Variants in KIF6 observed in about 807,000 individuals in gnomAD.
KIF6 encodes the protein kinesin family member 6.
A neutral mutation model predicts 112.7 loss-of-function variants in KIF6; 106 were observed. The ratio of observed to expected loss-of-function variants is 0.94; its 90% CI spans 0.80 to 1.11. The LOEUF (loss-of-function observed/expected upper bound fraction) is 1.11, where lower values mean the gene tolerates loss of function less well. KIF6 is among the 50% of genes least tolerant of loss of function. KIF6 has a pLI of 0.00. For synonymous variants in KIF6, 339 were observed against 339.9 expected (o/e 1.00, Z 0.03); for missense variants, 929 against 964.0 (o/e 0.96, Z 0.48).
At chr6:39,382,887 T>G (rs1767079214) in intron 16 of KIF6, among the ~76,000 whole-genome samples, 1 of 150,812 alleles carries the variant, frequency 6.6e-6, no homozygotes, top group Non-Finnish European at 1.5e-5. Flanking sequence ...GGTATCTCGT[T>G]GCGATTTTGA....
rs190716079 is a variant in KIF6 at position 39,545,803 on chromosome 6, A to G, written c.1182-115T>C. ...CAGAATATTGTTCCCACCTCTTTAC[A>G]GAAGTACAGATTTGAGTATAAAAAT... On this transcript the variant is annotated intron_variant, in intron 10 of 22. Transcript: ENST00000287152. 2.5e-4 allele frequency: 152 copies of G among 600,974 alleles called. 1 individual carries two copies. The highest frequency in any genetic ancestry group is 2.1e-3 in the Admixed American group (70 of 33,284). 37.2% of individuals were successfully genotyped at this position (600,974 alleles called of 1,614,324 possible).
chr6:39,676,423 G>T (rs1787143613), intron 3 of KIF6, among the ~76,000 whole-genome samples: 1 of 152,074 alleles, frequency 6.6e-6, no homozygotes, highest in Non-Finnish European at 1.5e-5. Context: ...ATCATTAATA[G>T]ACCCTCTCTG....
chr6:39,553,336 T>C lies in KIF6; in HGVS notation c.1182-7648A>G, dbSNP rs541263972. Among the ~76,000 whole-genome samples, 8 of 152,348 alleles carry C rather than the reference T, an allele frequency of 5.3e-5. 1 individual carries two copies. The South Asian group carries it at 1.5e-3, about 28-fold the overall frequency. ...GGTAAATTCATCTTAGTAATGCATATTTCCTTCACCTCAACAAAAGCACAG... is the reference window on the plus strand; with the variant it reads ...GGTAAATTCATCTTAGTAATGCATACTTCCTTCACCTCAACAAAAGCACAG... On this transcript the variant is annotated intron_variant, in intron 10 of 22. Coordinates refer to ENST00000287152, the MANE Select transcript of KIF6 (RefSeq NM_145027.6).
At position 39,331,134 on chromosome 6, in the gene KIF6, A is replaced by G. The variant is rs183562962; in HGVS notation, c.*5398T>C. ...GGTTCTCACACTCCCACCCACCTTG[A>G]TAGTGAGTCCAAGCCCATCCTACCC... On this transcript the variant is annotated 3_prime_UTR_variant, in exon 23 of 23. Coordinates refer to ENST00000287152, the MANE Select transcript of KIF6 (RefSeq NM_145027.6). 4.8e-4 allele frequency: 73 copies of G among 152,536 alleles called. No homozygotes were observed. In the East Asian group the frequency reaches 5.4e-3, roughly 11 times the overall value. The allele number at this position is 152,536 out of a possible 1,614,324, so 9.4% of individuals were successfully genotyped here. A position where few individuals can be genotyped will look rare whatever the true frequency, so the allele number is the denominator to read the frequency against.
chr6:39,360,593 G>T, intron 17 of KIF6, 63 bp from the exon 18 acceptor site: 1 of 1,593,946 alleles, frequency 6.3e-7, no homozygotes, highest in Middle Eastern at 1.7e-4. Flanking sequence ...TGGATGCAGG[G>T]CTGTAAATGA....
chr6:39,605,460 T>G (rs1782831885), intron 6 of KIF6, among the ~76,000 whole-genome samples: 1 of 152,088 alleles, frequency 6.6e-6, no homozygotes, highest in Non-Finnish European at 1.5e-5. Context: ...GTCTTTTTTA[T>G]ACATACTACA....
intron 7 of KIF6, among the ~76,000 whole-genome samples, chr6:39,587,259 A>C (rs1228419577): frequency 6.6e-6 from 1 of 152,194 alleles, no homozygotes; most frequent in East Asian, 1.9e-4. Flanking sequence ...AGCCACCCAC[A>C]GGATGTGTCT....
intron 15 of KIF6, among the ~76,000 whole-genome samples, chr6:39,386,943 T>C (rs906712986): frequency 6.6e-6 from 1 of 152,206 alleles, no homozygotes; most frequent in Non-Finnish European, 1.5e-5. Flanking sequence ...CATAAGTACA[T>C]TCTATACCTC....
chr6:39,567,294 A>G (rs1020306968), intron 10 of KIF6, among the ~76,000 whole-genome samples: 2 of 152,212 alleles, frequency 1.3e-5, no homozygotes, highest in African/African-American at 4.8e-5. Context: ...CACACAAAAG[A>G]TGAGTAACAG....
intron 9 of KIF6, among the ~76,000 whole-genome samples, chr6:39,584,440 AAAAAAAAAAAAAAAAAAAAAG>A (rs1781494705): frequency 7.3e-6 from 1 of 137,014 alleles, no homozygotes; most frequent in African/African-American, 2.8e-5. Context: ...AAAAAAAAAA[AAAAAAAAAAAAAAAAAAAAAG>A]ACTATTATTG....
intron 14 of KIF6, among the ~76,000 whole-genome samples, chr6:39,420,524 C>T (rs7743015): frequency 1.9e-3 from 285 of 152,318 alleles, no homozygotes; most frequent in African/African-American, 6.4e-3. Flanking sequence ...GCTGCTTTCA[C>T]GCTACAAGAC....
At chr6:39,396,435 G>A (rs1160010312) in intron 15 of KIF6, among the ~76,000 whole-genome samples, 1 of 152,190 alleles carries the variant, frequency 6.6e-6, no homozygotes. Flanking sequence ...GGTGCACTGG[G>A]AAACTGTGGT....
chr6:39,596,079 T>C lies in KIF6; in HGVS notation c.821A>G (p.Asn274Ser). The C allele has an allele frequency of 3.7e-6, 6 of 1,613,932 alleles. No individual in the cohort carries two copies. The highest frequency in any genetic ancestry group is 2.2e-5 in the South Asian group (2 of 91,078). The change falls in exon 7 of 23, where the codon AAC becomes AGC. Residue 274 changes from asparagine (N) to serine (S), a missense_variant. Around this residue, in one of 2 missense-constraint regions of KIF6, gnomAD observed 688 missense variants for 662.7 expected, o/e 1.04. Coordinates refer to ENST00000287152, the MANE Select transcript of KIF6 (RefSeq NM_145027.6). ...GHLLTEAKYI[N>S]LSLHYLEQVI... is the part of the protein sequence containing the mutation. ...CTGTTCTAAGTAATGTAGTGACAAG[T>C]TGATATACTTGGCCTCTGTTAGAAG...
At chr6:39,721,219 T>C (rs1360198476) in intron 1 of KIF6, among the ~76,000 whole-genome samples, 1 of 152,162 alleles carries the variant, frequency 6.6e-6, no homozygotes, top group African/African-American at 2.4e-5. Context: ...ATACCAGAGA[T>C]AAAGGGACTA....
chr6:39,399,005 G>A (rs1329040391), intron 15 of KIF6, among the ~76,000 whole-genome samples: 1 of 152,170 alleles, frequency 6.6e-6, no homozygotes. Context: ...AAAGACTGAA[G>A]TCCTCCAGAG....
rs1285740014 is a variant in KIF6, at chr6:39,346,500, TG to T, written c.2206del (p.Gln736LysfsTer11). The stretch of plus-strand genomic sequence containing the variant: ...CCAGACATCGAATCTGCCAGTGCCT[TG>T]ATCTTGGACTTCCCAGCCTCCAGAA... The part of the protein sequence containing the change: ...KSSGGWEVQD[Q>X]GTGRFDVCDV... On this transcript the variant is annotated frameshift_variant, in exon 20 of 23. Transcript: ENST00000287152. LOFTEE classifies it high-confidence loss of function. 1 of 714,988 alleles carries T rather than the reference TG, an allele frequency of 1.4e-6. No homozygotes were observed. The allele number at this position is 714,988 out of a possible 1,614,324, so 44.3% of individuals were successfully genotyped here.
chr6:39,678,327 A>G (rs1281276059), intron 3 of KIF6, among the ~76,000 whole-genome samples: 1 of 152,188 alleles, frequency 6.6e-6, no homozygotes, highest in Non-Finnish European at 1.5e-5. Context: ...AGTATAATTC[A>G]GACAATTTTA....
At chr6:39,394,865 T>G (rs1192050031) in intron 15 of KIF6, among the ~76,000 whole-genome samples, 1 of 152,240 alleles carries the variant, frequency 6.6e-6, no homozygotes, top group Non-Finnish European at 1.5e-5. Flanking sequence ...ATATCAATAC[T>G]TTCTAGAAAA....
chr6:39,539,296 T>G (rs934972717), intron 13 of KIF6, among the ~76,000 whole-genome samples: 2 of 152,052 alleles, frequency 1.3e-5, no homozygotes, highest in Non-Finnish European at 2.9e-5. Flanking sequence ...CCAAATGCTA[T>G]TACGTGACAA....
Sources: allele counts gnomAD v4.1 joint callset (sites outside exome capture counted in the v4.1 genomes callset), GRCh38; gene constraint gnomAD v4.1.1; regional missense constraint gnomAD v4.1.1; transcripts MANE v1.5; gene names NCBI Gene and HGNC (gene_info 2026-07-23, HGNC 2026-07-21).